DYNLT2B: variants seen among roughly 807,000 people sequenced by gnomAD.
The protein encoded by DYNLT2B is dynein light chain Tctex-type protein 2B.
In DYNLT2B, 14 loss-of-function variants were observed where a neutral mutation model predicts 19.5. The observed-to-expected ratio is 0.72, with a 90% CI of 0.47 to 1.12. The LOEUF (loss-of-function observed/expected upper bound fraction) is 1.12, where lower values mean the gene tolerates loss of function less well. Among genes scored for constraint, DYNLT2B ranks in the 50% most tolerant of loss-of-function variants. The pLI, the probability that DYNLT2B is intolerant of heterozygous loss-of-function variation, is 0.00. For missense variants in DYNLT2B, 133 were observed against 174.7 expected (o/e 0.76, Z 1.35); for synonymous variants, 70 against 59.7 (o/e 1.17, Z -0.79).
At chr3:196,304,182 G>T (rs1415692574) in intron 3 of DYNLT2B, among the ~76,000 whole-genome samples, 1 of 151,700 alleles carries the variant, frequency 6.6e-6, no homozygotes, top group African/African-American at 2.4e-5. Flanking sequence ...CCCCAGGCTG[G>T]AGTGCAGTGG....
chr3:196,295,499 A>C (rs1003262330), intron 4 of DYNLT2B, among the ~76,000 whole-genome samples: 2 of 151,956 alleles, frequency 1.3e-5, no homozygotes, highest in African/African-American at 4.8e-5. Flanking sequence ...ATTTTTGCTT[A>C]ATTTTAATAA....
At chr3:196,298,770 A>AT (rs1328345166) in intron 3 of DYNLT2B, among the ~76,000 whole-genome samples, 1 of 152,138 alleles carries the variant, frequency 6.6e-6, no homozygotes, top group African/African-American at 2.4e-5. Flanking sequence ...TCCGCAGCAG[A>AT]TTTTTTTCCT....
chr3:196,310,571 G>C (rs1726612174), intron 2 of DYNLT2B, among the ~76,000 whole-genome samples: 1 of 151,392 alleles, frequency 6.6e-6, no homozygotes, highest in African/African-American at 2.4e-5. Context: ...TGGGATTACA[G>C]GCACGCACCA....
chr3:196,312,969 A>G (rs1435976899), intron 2 of DYNLT2B, among the ~76,000 whole-genome samples: 3 of 152,086 alleles, frequency 2.0e-5, no homozygotes, highest in Non-Finnish European at 4.4e-5. Context: ...GTGATCTGAA[A>G]TCACACCGCT....
At chr3:196,300,184 A>G (rs561879189) in intron 3 of DYNLT2B, among the ~76,000 whole-genome samples, 5 of 152,262 alleles carry the variant, frequency 3.3e-5, no homozygotes, top group Admixed American at 6.5e-5. Flanking sequence ...GTTCAATGAA[A>G]CCCATTTTGG....
In DYNLT2B at chr3:196,306,248, A is replaced by G. The variant is rs7431292; in HGVS notation, c.317+695T>C. Reference sequence around the variant, plus strand: ...CCAACAGAGTGTGACCCATCTCTGCAAAAAAAAAAAAAAAAAAGAAAGAAA... The same window carrying G: ...CCAACAGAGTGTGACCCATCTCTGCGAAAAAAAAAAAAAAAAAGAAAGAAA... On this transcript the variant is annotated intron_variant, in intron 3 of 4. Coordinates refer to ENST00000325318, the MANE Select transcript of DYNLT2B (RefSeq NM_152773.5). 0.012 allele frequency among the ~76,000 whole-genome samples: 583 copies of G among 49,466 alleles called. 7 individuals are homozygous for G. In the East Asian group the frequency reaches 0.17, roughly 14 times the overall value. The allele number at this position is 49,466 out of a possible 152,430, so 32.5% of individuals were successfully genotyped here.
At chr3:196,308,075 C>T (rs1318337016) in intron 2 of DYNLT2B, among the ~76,000 whole-genome samples, 2 of 130,332 alleles carry the variant, frequency 1.5e-5, no homozygotes, top group East Asian at 2.6e-4. Flanking sequence ...GAGCAAAACT[C>T]CATCTCGAAA....
chr3:196,292,940 G>A (rs1299717517), intron 4 of DYNLT2B, among the ~76,000 whole-genome samples: 1 of 152,122 alleles, frequency 6.6e-6, no homozygotes, highest in Non-Finnish European at 1.5e-5. Context: ...TGCAACCTCC[G>A]CCCTCTGGGT....
In DYNLT2B at chr3:196,296,071, T is replaced by A. The variant is rs1480791256; in HGVS notation, c.318-2A>T. The stretch of plus-strand genomic sequence containing the variant: ...TCCCAGAAACAGCGAGAAGCCATGC[T>A]AAAAAATCCAAGAATGAAGAATTAT... On this transcript the variant is annotated splice_acceptor_variant, in intron 3 of 4. Transcript: ENST00000325318. LOFTEE classifies it high-confidence loss of function. The A allele has an allele frequency of 2.3e-5, 37 of 1,613,528 alleles. No homozygotes were observed. Among genetic ancestry groups the A allele is most frequent in the Non-Finnish European group, 3.1e-5 (36 of 1,179,652 alleles).
intron 3 of DYNLT2B, among the ~76,000 whole-genome samples, chr3:196,305,414 T>G (rs1461065343): frequency 6.6e-6 from 1 of 152,114 alleles, no homozygotes; most frequent in African/African-American, 2.4e-5. Context: ...AACAATACCA[T>G]AGGTATATAA....
intron 4 of DYNLT2B, among the ~76,000 whole-genome samples, chr3:196,292,703 C>T (rs536917525): frequency 3.6e-4 from 55 of 151,966 alleles, no homozygotes; most frequent in Non-Finnish European, 6.5e-4. Flanking sequence ...GTCTGTGCAC[C>T]CCACTGTGAG....
At chr3:196,293,765 C>T (rs971456257) in intron 4 of DYNLT2B, among the ~76,000 whole-genome samples, 11 of 150,158 alleles carry the variant, frequency 7.3e-5, no homozygotes, top group African/African-American at 2.7e-4. Context: ...CTGCCTCAGC[C>T]TCCCGAGTAG....
At chr3:196,314,642 A>C (rs1486115548) in intron 2 of DYNLT2B, among the ~76,000 whole-genome samples, 1 of 151,668 alleles carries the variant, frequency 6.6e-6, no homozygotes, top group Non-Finnish European at 1.5e-5. Context: ...GCAAGACACC[A>C]TCTCTACAGA....
chr3:196,297,008 A>G (rs1302431040), intron 3 of DYNLT2B, among the ~76,000 whole-genome samples: 1 of 151,702 alleles, frequency 6.6e-6, no homozygotes, highest in Admixed American at 6.6e-5. Context: ...CCTGGCTAAC[A>G]CGGTGAAACC....
chr3:196,302,211 A>T (rs1406936996), intron 3 of DYNLT2B, among the ~76,000 whole-genome samples: 1 of 152,214 alleles, frequency 6.6e-6, no homozygotes, highest in African/African-American at 2.4e-5. Flanking sequence ...ACATACATGT[A>T]ACCTAAATCC....
intron 3 of DYNLT2B, among the ~76,000 whole-genome samples, chr3:196,303,516 C>T (rs1268854770): frequency 1.3e-5 from 2 of 152,062 alleles, no homozygotes; most frequent in Non-Finnish European, 2.9e-5. Context: ...CAGTATGTAC[C>T]ATTGATATGA....
At chr3:196,300,586 G>A (rs370939657) in intron 3 of DYNLT2B, among the ~76,000 whole-genome samples, 9 of 151,542 alleles carry the variant, frequency 5.9e-5, no homozygotes, top group South Asian at 2.1e-4. Flanking sequence ...GAAATTAGCC[G>A]GGCGTGGTGG....
intron 2 of DYNLT2B, among the ~76,000 whole-genome samples, chr3:196,314,090 C>G (rs1313300052): frequency 1.3e-5 from 2 of 150,686 alleles, no homozygotes; most frequent in Non-Finnish European, 3.0e-5. Context: ...AACAGCAAAA[C>G]TCCATCTCAA....
intron 3 of DYNLT2B, among the ~76,000 whole-genome samples, chr3:196,302,494 A>T (rs1431355611): frequency 1.1e-4 from 16 of 152,258 alleles, no homozygotes; most frequent in Non-Finnish European, 1.5e-5. Context: ...AAGCTGGAAC[A>T]ATTAGAACTA....
Sources: allele counts gnomAD v4.1 joint callset (sites outside exome capture counted in the v4.1 genomes callset), GRCh38; gene constraint gnomAD v4.1.1; transcripts MANE v1.5; gene names NCBI Gene and HGNC (gene_info 2026-07-23, HGNC 2026-07-21).